Variants in INPP4A observed in about 807,000 individuals in gnomAD.
INPP4A encodes inositol polyphosphate-4-phosphatase type I A, also known as inositol polyphosphate-4-phosphatase, type I, 107kD.
A neutral mutation model predicts 119.8 loss-of-function variants in INPP4A; 33 were observed. The ratio of observed to expected loss-of-function variants is 0.28; its 90% CI spans 0.21 to 0.37. The LOEUF (loss-of-function observed/expected upper bound fraction) is 0.37. Ranked by LOEUF, INPP4A falls within the 10% of genes least tolerant of loss-of-function variation. The probability of loss-of-function intolerance (pLI) is 1.00; values close to 1 mark genes in which losing one functional copy is unlikely to be tolerated. For missense variants in INPP4A, 956 were observed against 1,289.9 expected, an observed-to-expected ratio of 0.74 and a Z score of 3.97; for synonymous variants, 496 against 500.7, an observed-to-expected ratio of 0.99 and a Z score of 0.12.
rs575547819 is a variant in INPP4A, at chr2:98,543,314, G to A, written c.819-563G>A. ...AGCCAACTCTAGGCTGCAGCTGAGC[G>A]GTTTTAGATTCTGCGGCTCCCCTAT... On this transcript the variant is annotated intron_variant, in intron 10 of 24. Coordinates refer to ENST00000409851, the MANE Select transcript of INPP4A (RefSeq NM_001134225.2). Among the ~76,000 whole-genome samples the A allele has an allele frequency of 2.6e-5, 4 of 152,314 alleles. No homozygotes were observed. The South Asian group carries it at 8.3e-4, about 32-fold the overall frequency.
chr2:98,535,673 C>A, intron 5 of INPP4A, 56 bp from the exon 6 acceptor site: 1 of 746,062 alleles, frequency 1.3e-6, no homozygotes, highest in African/African-American at 1.8e-5. Context: ...ATTTCAAAAG[C>A]AATTACATTT....
chr2:98,467,428 T>C (rs1486098198), intron 1 of INPP4A, among the ~76,000 whole-genome samples: 1 of 152,216 alleles, frequency 6.6e-6, no homozygotes, highest in Non-Finnish European at 1.5e-5. Context: ...ACTTGGTCTC[T>C]ACATCTGTTT....
At chr2:98,515,413 A>ACAG (rs1277928739) in intron 1 of INPP4A, among the ~76,000 whole-genome samples, 2 of 147,382 alleles carry the variant, frequency 1.4e-5, no homozygotes, top group African/African-American at 5.0e-5. Context: ...TGCCACAGTG[A>ACAG]CAGCAATAGG....
chr2:98,451,104 T>C (rs886408508), intron 1 of INPP4A, among the ~76,000 whole-genome samples: 5 of 152,134 alleles, frequency 3.3e-5, no homozygotes, highest in African/African-American at 9.7e-5. Flanking sequence ...CTGTCTGGGA[T>C]TGGAAAGCCA....
intron 24 of INPP4A, among the ~76,000 whole-genome samples, chr2:98,577,976 T>C (rs1698705043): frequency 6.6e-6 from 1 of 152,236 alleles, no homozygotes; most frequent in Admixed American, 6.5e-5. Flanking sequence ...AATTCTCTTA[T>C]CCTTTCTGTA....
intron 1 of INPP4A, among the ~76,000 whole-genome samples, chr2:98,495,772 G>A (rs1008683193): frequency 3.3e-5 from 5 of 152,178 alleles, no homozygotes; most frequent in Non-Finnish European, 7.4e-5. Flanking sequence ...TGCAGATGCA[G>A]CTTCCAGGTA....
chr2:98,445,729 G>A (rs1012084243), intron 1 of INPP4A, among the ~76,000 whole-genome samples: 3 of 152,194 alleles, frequency 2.0e-5, no homozygotes, highest in Non-Finnish European at 4.4e-5. Context: ...GGCGAAGGAA[G>A]GGAATGTTGA....
At chr2:98,545,921 G>A (rs1448864037) in intron 11 of INPP4A, 48 bp from the exon 12 acceptor site, 3 of 1,318,228 alleles carry the variant, frequency 2.3e-6, no homozygotes, top group Non-Finnish European at 3.2e-6. Flanking sequence ...ACTCGTGAAT[G>A]CAGCATGTAT....
Position 98,587,641 on chromosome 2 carries a change from A to G in INPP4A, c.*33A>G, listed in dbSNP as rs755853914. Reference sequence around the variant, plus strand: ...GTTTCCTCTAATTAGCTGTTACATAATAAATGTGGGTACCCTCTAGTGTCA... The same window carrying G: ...GTTTCCTCTAATTAGCTGTTACATAGTAAATGTGGGTACCCTCTAGTGTCA... On this transcript the variant is annotated 3_prime_UTR_variant, in exon 25 of 25. Transcript: ENST00000409851. The G allele has an allele frequency of 1.3e-6, 2 of 1,557,778 alleles. No individual in the cohort carries two copies. The highest frequency in any genetic ancestry group is 1.7e-6 in the Non-Finnish European group (2 of 1,151,394).
chr2:98,574,115 G>C lies in INPP4A; in HGVS notation c.2631+1188G>C, dbSNP rs563756693. Among the ~76,000 whole-genome samples the C allele has an allele frequency of 9.2e-5, 14 of 152,260 alleles. No individual in the cohort carries two copies. The South Asian group carries it at 2.9e-3, about 32-fold the overall frequency. ...GCCTCATTTTTGAGGTATCCTCTTG[G>C]TTTTGGGGCCTCATCTGGCATTGCT... On this transcript the variant is annotated intron_variant, in intron 23 of 24. Coordinates refer to ENST00000409851, the MANE Select transcript of INPP4A (RefSeq NM_001134225.2).
At chr2:98,478,675 A>T (rs1382660170) in intron 1 of INPP4A, among the ~76,000 whole-genome samples, 3 of 152,074 alleles carry the variant, frequency 2.0e-5, no homozygotes, top group South Asian at 4.2e-4. Context: ...TGGGGAGAAT[A>T]GGGTGAATGG....
Position 98,562,309 on chromosome 2 carries a change from G to A in INPP4A, c.1856-1156G>A, listed in dbSNP as rs1695634317. Reference sequence around the variant, plus strand: ...TGCATTAACCAAACACTGAGTGTAGGGAATTCTTTTATATGTTTCAGTATT... The same window carrying A: ...TGCATTAACCAAACACTGAGTGTAGAGAATTCTTTTATATGTTTCAGTATT... On this transcript the variant is annotated intron_variant, in intron 17 of 24. Coordinates refer to ENST00000409851, the MANE Select transcript of INPP4A (RefSeq NM_001134225.2). 2.0e-5 allele frequency among the ~76,000 whole-genome samples: 3 copies of A among 152,144 alleles called. No homozygotes were observed. The South Asian group carries it at 6.2e-4, about 32-fold the overall frequency.
chr2:98,520,911 C>T (rs894484655), intron 4 of INPP4A, 180 bp downstream of exon 4: 1 of 521,456 alleles, frequency 1.9e-6, no homozygotes, highest in Non-Finnish European at 3.3e-6. Context: ...TGGGAAGGCA[C>T]CTTGGAGCCT....
intron 1 of INPP4A, among the ~76,000 whole-genome samples, chr2:98,503,678 TTGA>T (rs1683538341): frequency 6.6e-6 from 1 of 152,244 alleles, no homozygotes; most frequent in Non-Finnish European, 1.5e-5. Context: ...TCAGTACTTG[TTGA>T]ACAGATGAAT....
chr2:98,453,475 G>A lies in INPP4A; in HGVS notation c.-166+8390G>A, dbSNP rs544492270. On this transcript the variant is annotated intron_variant, in intron 1 of 24. Transcript: ENST00000409851. Reference sequence around the variant, plus strand: ...GTTATTCACATGTAGTGTATTTGGGGTGTTGTTATGGTGTGACTGTTTCTT... The same window carrying A: ...GTTATTCACATGTAGTGTATTTGGGATGTTGTTATGGTGTGACTGTTTCTT... Among the ~76,000 whole-genome samples the A allele has an allele frequency of 4.6e-5, 7 of 152,162 alleles. 1 individual carries two copies. Among genetic ancestry groups the A allele is most frequent in the Admixed American group, 4.6e-4 (7 of 15,278 alleles).
chr2:98,482,309 G>C (rs1032926207), intron 1 of INPP4A, among the ~76,000 whole-genome samples: 3 of 152,220 alleles, frequency 2.0e-5, no homozygotes, highest in Non-Finnish European at 4.4e-5. Context: ...TCCCATCCTA[G>C]AGGGACAGCA....
At chr2:98,496,251 T>C (rs1681915277) in intron 1 of INPP4A, among the ~76,000 whole-genome samples, 1 of 152,194 alleles carries the variant, frequency 6.6e-6, no homozygotes, top group Non-Finnish European at 1.5e-5. Flanking sequence ...GTTCAGTTGC[T>C]TGAGGGGCTT....
intron 1 of INPP4A, among the ~76,000 whole-genome samples, chr2:98,456,247 A>G (rs918535436): frequency 6.6e-5 from 10 of 152,242 alleles, no homozygotes; most frequent in Non-Finnish European, 1.3e-4. Context: ...AAGGGCTTCA[A>G]ATGTCAAATG....
intron 1 of INPP4A, among the ~76,000 whole-genome samples, chr2:98,465,945 T>C (rs563454232): frequency 1.0e-3 from 159 of 152,272 alleles, no homozygotes; most frequent in African/African-American, 3.6e-3. Context: ...CTGCCCACCT[T>C]GCTCAGTCTC....
Sources: gnomAD v4.1 joint callset for allele counts (sites outside exome capture counted in the v4.1 genomes callset) on GRCh38, gnomAD v4.1.1 for gene constraint, MANE v1.5 for transcripts, NCBI Gene and HGNC (gene_info 2026-07-23, HGNC 2026-07-21) for gene names.